Variants in SLC25A42 observed in about 807,000 individuals in gnomAD.
The protein encoded by SLC25A42 is mitochondrial coenzyme A transporter SLC25A42.
In SLC25A42, 19 loss-of-function variants were observed where a neutral mutation model predicts 34.7. The ratio of observed to expected loss-of-function variants is 0.55; its 90% CI spans 0.38 to 0.80. The LOEUF is 0.80. Among genes scored for constraint, SLC25A42 ranks in the 30% least tolerant of loss-of-function variants. The pLI is 0.00. For synonymous variants in SLC25A42, 205 were observed against 191.2 expected, an observed-to-expected ratio of 1.07 and a Z score of -0.59; for missense variants, 364 against 441.3, an observed-to-expected ratio of 0.82 and a Z score of 1.57.
chr19:19,076,091 G>T (rs998957389), intron 1 of SLC25A42, among the ~76,000 whole-genome samples: 1 of 152,182 alleles, frequency 6.6e-6, no homozygotes, highest in Non-Finnish European at 1.5e-5. Context: ...GTCCTCAGAA[G>T]GGATGGCCAC....
At position 19,101,878 on chromosome 19, in the gene SLC25A42, T is replaced by C. The variant is rs2059798442; in HGVS notation, c.179T>C (p.Ile60Thr). 6.2e-7 allele frequency: 1 copy of C among 1,612,288 alleles called. No homozygotes were observed. The highest frequency in any genetic ancestry group is 8.5e-7 in the Non-Finnish European group (1 of 1,179,172). Reference protein sequence around the residue: ...AVAPLDRTKIIFQVSSKRFSA... With the variant: ...AVAPLDRTKITFQVSSKRFSA... ...GCTCCCCTGGACCGAACCAAAATCATCTTCCAAGGTAAGTGTTGGCCATCC... is the reference window on the plus strand; with the variant it reads ...GCTCCCCTGGACCGAACCAAAATCACCTTCCAAGGTAAGTGTTGGCCATCC... The change falls in exon 3 of 8, where the codon ATC (isoleucine) becomes ACC (threonine). Residue 60 changes from isoleucine to threonine, a missense_variant. Physicochemically the swap from Ile to Thr is moderately conservative, Grantham distance 89 (BLOSUM62 -1). Transcript: ENST00000318596.
intron 1 of SLC25A42, among the ~76,000 whole-genome samples, chr19:19,078,960 A>G (rs1276381154): frequency 6.6e-6 from 1 of 151,472 alleles, no homozygotes; most frequent in African/African-American, 2.4e-5. Context: ...ATTCAGTGGT[A>G]TATAGTACAG....
In SLC25A42 at chr19:19,101,749, C is replaced by A. The variant is rs777976599; in HGVS notation, c.82-32C>A. On this transcript the variant is annotated intron_variant, in intron 2 of 7. Transcript: ENST00000318596. ...GTCCTCTGCGGAGCCGCCCCCCTGCCCTCTGACCTCTGATCACATGTTCTG... is the reference window on the plus strand; with the variant it reads ...GTCCTCTGCGGAGCCGCCCCCCTGCACTCTGACCTCTGATCACATGTTCTG... The A allele has an allele frequency of 1.9e-6, 3 of 1,590,798 alleles. 1 individual carries two copies. Among genetic ancestry groups the A allele is most frequent in the East Asian group, 4.5e-5 (2 of 44,174 alleles).
chr19:19,066,127 G>T (rs1439653837), intron 1 of SLC25A42, among the ~76,000 whole-genome samples: 2 of 152,188 alleles, frequency 1.3e-5, no homozygotes, highest in Admixed American at 6.5e-5. Flanking sequence ...AAGATGCTGG[G>T]ATTACAGGCG....
intron 1 of SLC25A42, among the ~76,000 whole-genome samples, chr19:19,064,995 C>G (rs2059593921): frequency 6.6e-6 from 1 of 152,228 alleles, no homozygotes; most frequent in African/African-American, 2.4e-5. Flanking sequence ...ACCTAAACCA[C>G]TTGAATGCTA....
chr19:19,079,764 G>A (rs79633799), intron 1 of SLC25A42, among the ~76,000 whole-genome samples: 2,926 of 152,160 alleles, frequency 0.019, 87 homozygotes, highest in African/African-American at 0.067. Context: ...TTGTGTTGGG[G>A]TCTCACTATG....
intron 1 of SLC25A42, among the ~76,000 whole-genome samples, chr19:19,076,025 C>T (rs2059654197): frequency 1.3e-5 from 2 of 152,182 alleles, no homozygotes; most frequent in Admixed American, 1.3e-4. Context: ...GGAGGATCAG[C>T]CCCACTTTCT....
intron 3 of SLC25A42, among the ~76,000 whole-genome samples, chr19:19,102,244 C>T (rs1464461619): frequency 6.6e-6 from 1 of 151,796 alleles, no homozygotes; most frequent in Non-Finnish European, 1.5e-5. Context: ...CTCCTGACCT[C>T]GTAATCCGCC....
intron 2 of SLC25A42, among the ~76,000 whole-genome samples, chr19:19,101,457 T>G (rs1261666570): frequency 6.6e-6 from 1 of 152,176 alleles, no homozygotes; most frequent in African/African-American, 2.4e-5. Context: ...CGTAGTCAGG[T>G]GCACACAGGC....
rs538672543 is a variant in SLC25A42, at chr19:19,109,470, G to T, written c.650-1099G>T. Reference sequence around the variant, plus strand: ...TTTTGAGACGGAGTCTCACTCTGCCGCCCAGGCTGGAGTGCAGTGGAACGA... The same window carrying T: ...TTTTGAGACGGAGTCTCACTCTGCCTCCCAGGCTGGAGTGCAGTGGAACGA... On this transcript the variant is annotated intron_variant, in intron 7 of 7. Transcript: ENST00000318596. The surrounding 1 kb of genome is among the most constrained non-coding windows in gnomAD (Gnocchi z 4.1). Among the ~76,000 whole-genome samples the T allele has an allele frequency of 6.6e-6, 1 of 152,046 alleles. No homozygotes were observed.
intron 5 of SLC25A42, 92 bp downstream of exon 5, chr19:19,105,819 C>T: frequency 8.8e-7 from 1 of 1,142,694 alleles, no homozygotes; most frequent in East Asian, 2.7e-5. Flanking sequence ...CCTCTTCGTG[C>T]CTTGCCCCTA....
chr19:19,074,822 A>T (rs990617924), intron 1 of SLC25A42, among the ~76,000 whole-genome samples: 31 of 151,868 alleles, frequency 2.0e-4, no homozygotes, highest in African/African-American at 7.5e-4. Flanking sequence ...GGCTTATAGG[A>T]TGCTTGGGTT....
chr19:19,108,881 C>T (rs1568526284), intron 7 of SLC25A42, among the ~76,000 whole-genome samples: 1 of 151,598 alleles, frequency 6.6e-6, no homozygotes, highest in Non-Finnish European at 1.5e-5. Flanking sequence ...GCCTTGGCCT[C>T]CCAAAGTGCT....
chr19:19,099,384 T>C (rs1324900676), intron 2 of SLC25A42, among the ~76,000 whole-genome samples: 1 of 152,086 alleles, frequency 6.6e-6, no homozygotes, highest in Non-Finnish European at 1.5e-5. Context: ...GGAACCAGAC[T>C]GGGGGTGCAA....
chr19:19,066,001 C>A (rs2059600185), intron 1 of SLC25A42, among the ~76,000 whole-genome samples: 1 of 152,068 alleles, frequency 6.6e-6, no homozygotes, highest in African/African-American at 2.4e-5. Context: ...GGATTACAGG[C>A]ATGTGCCACC....
chr19:19,078,202 A>C (rs1599668351), intron 1 of SLC25A42, among the ~76,000 whole-genome samples: 1 of 152,114 alleles, frequency 6.6e-6, no homozygotes, highest in Non-Finnish European at 1.5e-5. Flanking sequence ...TCTTGGCTGC[A>C]CTGGGCAGAA....
rs116489125 is a variant in SLC25A42, at chr19:19,095,992, C to T, written c.-34-99C>T. 4.1e-3 allele frequency: 3,227 copies of T among 790,238 alleles called. 54 individuals carry two copies. In the African/African-American group the frequency reaches 0.044, roughly 11 times the overall value. 49.0% of individuals were successfully genotyped at this position (790,238 alleles called of 1,614,324 possible). ...GAATGCAGTTGAGGGCATCCCTCCC[C>T]ACGCAGGGAGCCAGAAACTGGGATA... On this transcript the variant is annotated intron_variant, in intron 1 of 7. Coordinates refer to ENST00000318596, the MANE Select transcript of SLC25A42 (RefSeq NM_178526.5).
At position 19,110,742 on chromosome 19, in the gene SLC25A42, G is replaced by A. The variant is rs1246592621; in HGVS notation, c.823G>A (p.Val275Met). The change falls in exon 8 of 8, where the codon GTG becomes ATG. Residue 275 changes from valine to methionine, a missense_variant. By Grantham distance (21) the Val-to-Met change is conservative. Coordinates refer to ENST00000318596, the MANE Select transcript of SLC25A42 (RefSeq NM_178526.5). ...CATCGCCCGCACGCTGCGCACCATCGTGCGGGAGGAGGGCGCCGTGCGCGG... is the reference window on the plus strand; with the variant it reads ...CATCGCCCGCACGCTGCGCACCATCATGCGGGAGGAGGGCGCCGTGCGCGG... ...ASIARTLRTI[V>M]REEGAVRGLY... The A allele has an allele frequency of 1.2e-6, 2 of 1,611,992 alleles. No homozygotes were observed. Among genetic ancestry groups the A allele is most frequent in the African/African-American group, 1.3e-5 (1 of 74,850 alleles).
chr19:19,091,435 G>A (rs2059737644), intron 1 of SLC25A42, among the ~76,000 whole-genome samples: 1 of 152,086 alleles, frequency 6.6e-6, no homozygotes, highest in African/African-American at 2.4e-5. Flanking sequence ...TCCAGCCTGG[G>A]CAACAAGCAT....
Sources: gnomAD v4.1 joint callset for allele counts (sites outside exome capture counted in the v4.1 genomes callset) on GRCh38, gnomAD v4.1.1 for gene constraint, Gnocchi (gnomAD v3.1) non-coding constraint, MANE v1.5 for transcripts, NCBI Gene and HGNC (gene_info 2026-07-23, HGNC 2026-07-21) for gene names.